The following MIR2052HG variants were observed in gnomAD, a reference collection of about 807,000 sequenced individuals.
MIR2052HG encodes MIR2052 host gene.
chr8:74,679,374 T>C (rs1809092754), intron 2 of MIR2052HG, among the ~76,000 whole-genome samples: 1 of 152,062 alleles, frequency 6.6e-6, no homozygotes, highest in Admixed American at 6.6e-5. Context: ...GTTATTTCTT[T>C]TACAGTAATG....
intron 4 of MIR2052HG, among the ~76,000 whole-genome samples, chr8:74,740,021 A>C (rs1430586925): frequency 6.6e-6 from 1 of 152,230 alleles, no homozygotes; most frequent in Non-Finnish European, 1.5e-5. Context: ...ATAATTTAAC[A>C]AATGCACATA....
chr8:74,756,770 G>A (rs968007579), intron 5 of MIR2052HG: 3 of 152,090 alleles, frequency 2.0e-5, no homozygotes, highest in Non-Finnish European at 2.9e-5. Flanking sequence ...TTTTTCCCTG[G>A]TAGTTTGTAA....
chr8:74,651,917 G>A lies in MIR2052HG; in HGVS notation n.216+38977G>A, dbSNP rs148819508. The stretch of plus-strand genomic sequence containing the variant: ...GGTTTAATAAGAGGGAAGAAAGGTA[G>A]CAAGCCTATCTAGGCTTTTGTACTG... On this transcript the variant is annotated intron_variant and non_coding_transcript_variant, in intron 2 of 6. Coordinates refer to ENST00000523442, the Ensembl canonical transcript of MIR2052HG. Among the ~76,000 whole-genome samples the A allele has an allele frequency of 2.4e-3, 358 of 152,280 alleles. 1 individual carries two copies. The highest frequency in any genetic ancestry group is 7.9e-3 in the African/African-American group (329 of 41,558).
intron 4 of MIR2052HG, among the ~76,000 whole-genome samples, chr8:74,732,930 G>A (rs1369258402): frequency 6.6e-6 from 1 of 152,100 alleles, no homozygotes; most frequent in Non-Finnish European, 1.5e-5. Flanking sequence ...TTCTAAATAT[G>A]TTGGGAAGCC....
chr8:74,706,716 A>G (rs1809414682), intron 4 of MIR2052HG, among the ~76,000 whole-genome samples: 1 of 152,154 alleles, frequency 6.6e-6, no homozygotes, highest in Admixed American at 6.5e-5. Context: ...TGCTTAACCA[A>G]TTGTAAAAAT....
chr8:74,651,596 A>T (rs1808753796), intron 2 of MIR2052HG, among the ~76,000 whole-genome samples: 2 of 152,218 alleles, frequency 1.3e-5, no homozygotes, highest in African/African-American at 2.4e-5. Flanking sequence ...TAGTAATTCA[A>T]GTTGGTGTAT....
At chr8:74,697,284 A>G (rs1010485885) in intron 2 of MIR2052HG, among the ~76,000 whole-genome samples, 24 of 152,206 alleles carry the variant, frequency 1.6e-4, no homozygotes, top group Admixed American at 9.8e-4. Context: ...ACATCCCTTT[A>G]TGATTAAAAC....
chr8:74,612,822 G>T (rs577978575), intron 1 of MIR2052HG: 1 of 453,292 alleles, frequency 2.2e-6, no homozygotes, highest in African/African-American at 2.0e-5. Context: ...AATCTAATAC[G>T]TATCTATTAA....
intron 1 of MIR2052HG, chr8:74,610,190 T>C (rs914438719): frequency 4.0e-4 from 61 of 152,058 alleles, no homozygotes; most frequent in African/African-American, 1.3e-3. Context: ...GGTTGCAGGA[T>C]GCAAGATTAA....
intron 2 of MIR2052HG, chr8:74,633,334 C>T (rs913410798): frequency 2.0e-5 from 3 of 152,150 alleles, no homozygotes; most frequent in Admixed American, 2.0e-4. Context: ...ACACATCCCA[C>T]TCTTAATTCC....
intron 2 of MIR2052HG, among the ~76,000 whole-genome samples, chr8:74,641,171 C>T (rs376502571): frequency 2.6e-5 from 4 of 152,120 alleles, no homozygotes; most frequent in Admixed American, 1.3e-4. Context: ...AATGAAACAG[C>T]CTTCCTATTA....
At chr8:74,636,927 A>G (rs1808587919) in intron 2 of MIR2052HG, among the ~76,000 whole-genome samples, 3 of 152,188 alleles carry the variant, frequency 2.0e-5, no homozygotes, top group African/African-American at 7.2e-5. Flanking sequence ...CATTTCTAAT[A>G]TGCTCACAGC....
intron 1 of MIR2052HG, chr8:74,599,958 G>A (rs1157183062): frequency 6.2e-6 from 1 of 160,508 alleles, no homozygotes; most frequent in Non-Finnish European, 1.3e-5. Context: ...CGTCGGAAAA[G>A]CGCAGTATTC....
At chr8:74,654,535 T>A (rs139743126) in intron 2 of MIR2052HG, among the ~76,000 whole-genome samples, 1,573 of 152,196 alleles carry the variant, frequency 0.01, 25 homozygotes, top group African/African-American at 0.034. Context: ...AGTGAATAAG[T>A]CTTATGAGAT....
At chr8:74,659,415 T>A (rs2128736846) in intron 2 of MIR2052HG, among the ~76,000 whole-genome samples, 1 of 152,348 alleles carries the variant, frequency 6.6e-6, no homozygotes, top group Non-Finnish European at 1.5e-5. Context: ...CTACCATGTT[T>A]TGACTTTAAG....
intron 2 of MIR2052HG, among the ~76,000 whole-genome samples, chr8:74,679,421 A>G (rs1809094125): frequency 6.6e-6 from 1 of 151,922 alleles, no homozygotes; most frequent in Non-Finnish European, 1.5e-5. Context: ...GAGTGCCATT[A>G]TTTCATTCCT....
intron 2 of MIR2052HG, among the ~76,000 whole-genome samples, chr8:74,644,314 C>G (rs886311667): frequency 1.3e-5 from 2 of 152,148 alleles, no homozygotes; most frequent in African/African-American, 2.4e-5. Context: ...AATATTTAGA[C>G]ATGTTTGGAT....
Position 74,608,860 on chromosome 8 carries a change from T to A in MIR2052HG, n.129-3993T>A, listed in dbSNP as rs1272906054. On this transcript the variant is annotated intron_variant and non_coding_transcript_variant, in intron 1 of 6. Transcript: ENST00000523442. ...ATTAGAAAAGAAGAAAGGTCTCAAG[T>A]CAGTAATCTCAGCTTAAGTTTTAAG... is the stretch of plus-strand genomic sequence containing the variant. Among the ~76,000 whole-genome samples the A allele has an allele frequency of 3.3e-5, 5 of 151,980 alleles. No individual in the cohort carries two copies. In the East Asian group the frequency reaches 9.7e-4, roughly 29 times the overall value.
At chr8:74,712,180 T>C (rs1414352994) in intron 4 of MIR2052HG, among the ~76,000 whole-genome samples, 1 of 152,206 alleles carries the variant, frequency 6.6e-6, no homozygotes, top group African/African-American at 2.4e-5. Context: ...TAATACCCAC[T>C]GTGTAGAGTT....
Sources: gnomAD v4.1 joint callset for allele counts (sites outside exome capture counted in the v4.1 genomes callset) on GRCh38, gnomAD v4.1.1 for gene constraint, MANE v1.5 for transcripts, NCBI Gene and HGNC (gene_info 2026-07-23, HGNC 2026-07-21) for gene names.